The following CDK6 variants were observed in gnomAD, a reference collection of about 807,000 sequenced individuals.
The protein encoded by CDK6 is cyclin dependent kinase 6, also known as cyclin-dependent kinase 6.
Under a neutral mutation model 37.1 loss-of-function variants are expected in CDK6, and 6 were observed. That is an observed-to-expected ratio of 0.16 (90% CI 0.09 to 0.32). The LOEUF is 0.32. Among genes scored for constraint, CDK6 ranks in the 10% least tolerant of loss-of-function variants. The pLI is 1.00. For synonymous variants in CDK6, 160 were observed against 161.3 expected, an observed-to-expected ratio of 0.99 and a Z score of 0.06; for missense variants, 224 against 418.9, an observed-to-expected ratio of 0.53 and a Z score of 4.06.
chr7:92,627,369 T>C (rs1795951417), intron 5 of CDK6, among the ~76,000 whole-genome samples: 2 of 152,080 alleles, frequency 1.3e-5, no homozygotes, highest in Non-Finnish European at 2.9e-5. Context: ...TCCTAATTCC[T>C]AAGGTGATGG....
chr7:92,748,649 T>A (rs929382717), intron 3 of CDK6, among the ~76,000 whole-genome samples: 1 of 152,172 alleles, frequency 6.6e-6, no homozygotes, highest in Non-Finnish European at 1.5e-5. Flanking sequence ...AGTAACCAGG[T>A]GTCTTGTTGC....
intron 5 of CDK6, among the ~76,000 whole-genome samples, chr7:92,632,875 T>G (rs187304970): frequency 1.3e-4 from 19 of 150,244 alleles, no homozygotes; most frequent in South Asian, 8.5e-4. Context: ...TTACACAGCA[T>G]CACTTCCATT....
rs902929216 is a variant in CDK6 at position 92,833,718 on chromosome 7, G to T, written c.-367-28C>A. 4.6e-6 allele frequency: 2 copies of T among 433,284 alleles called. No individual in the cohort carries two copies. The highest frequency in any genetic ancestry group is 2.0e-5 in the African/African-American group (1 of 48,862). The allele number at this position is 433,284 out of a possible 1,614,324, so 26.8% of individuals were successfully genotyped here. A position where few individuals can be genotyped will look rare whatever the true frequency, so the allele number is the denominator to read the frequency against. On this transcript the variant is annotated intron_variant, in intron 1 of 7. Transcript: ENST00000424848. This position sits in a 1 kb window ranked among gnomAD's most constrained non-coding sequence, Gnocchi z 6.1. ...AAAGGAGGAGACGGGAGGATAAGAA[G>T]AAAGTGCAATCAGACAGCCCAGAAG... is the stretch of plus-strand genomic sequence containing the variant.
intron 4 of CDK6, among the ~76,000 whole-genome samples, chr7:92,709,696 T>C (rs1295818084): frequency 6.6e-6 from 1 of 152,224 alleles, no homozygotes; most frequent in Admixed American, 6.5e-5. Context: ...CACATCTTTT[T>C]AAAAGTTCTT....
At chr7:92,786,636 C>CATATAT (rs35129215) in intron 2 of CDK6, among the ~76,000 whole-genome samples, 17 of 140,060 alleles carry the variant, frequency 1.2e-4, no homozygotes, top group African/African-American at 1.8e-4. Flanking sequence ...TGTGTGTATA[C>CATATAT]ATATATATAT....
intron 2 of CDK6, among the ~76,000 whole-genome samples, chr7:92,775,757 T>G (rs1159434826): frequency 1.3e-5 from 2 of 152,106 alleles, no homozygotes; most frequent in Non-Finnish European, 2.9e-5. Flanking sequence ...GTAATATAAA[T>G]ACTAAGAAAA....
intron 4 of CDK6, among the ~76,000 whole-genome samples, chr7:92,673,488 A>T (rs1797134715): frequency 6.6e-6 from 1 of 152,242 alleles, no homozygotes; most frequent in Non-Finnish European, 1.5e-5. Flanking sequence ...CAAAACTGAC[A>T]ATACTGAAAC....
At chr7:92,739,136 C>T (rs1285048864) in intron 3 of CDK6, among the ~76,000 whole-genome samples, 1 of 152,156 alleles carries the variant, frequency 6.6e-6, no homozygotes, top group Non-Finnish European at 1.5e-5. Context: ...ATAATGGCTA[C>T]CAAAAACATT....
chr7:92,823,221 C>T (rs1337823543), intron 2 of CDK6, among the ~76,000 whole-genome samples: 1 of 151,484 alleles, frequency 6.6e-6, no homozygotes, highest in Admixed American at 6.6e-5. Context: ...TCATACAGCT[C>T]TCCTTGAAAT....
At chr7:92,772,638 C>T (rs1224274557) in intron 3 of CDK6, among the ~76,000 whole-genome samples, 1 of 152,082 alleles carries the variant, frequency 6.6e-6, no homozygotes, top group African/African-American at 2.4e-5. Flanking sequence ...TCAGCCACTG[C>T]CCCCTGTCTT....
chr7:92,801,653 C>T (rs1469887305), intron 2 of CDK6, among the ~76,000 whole-genome samples: 1 of 151,430 alleles, frequency 6.6e-6, no homozygotes, highest in African/African-American at 2.4e-5. Context: ...TTCTCTCTTT[C>T]TCTCTTTCTT....
At chr7:92,670,086 A>C (rs1797041238) in intron 5 of CDK6, among the ~76,000 whole-genome samples, 1 of 152,222 alleles carries the variant, frequency 6.6e-6, no homozygotes, top group African/African-American at 2.4e-5. Context: ...CAACACCAGA[A>C]TAGAACTTGC....
At chr7:92,720,258 T>C (rs1030838403) in intron 4 of CDK6, among the ~76,000 whole-genome samples, 1 of 152,220 alleles carries the variant, frequency 6.6e-6, no homozygotes, top group Non-Finnish European at 1.5e-5. Flanking sequence ...CTAAATACCC[T>C]TTGTAGAATC....
chr7:92,657,409 C>T (rs1013530115), intron 5 of CDK6, among the ~76,000 whole-genome samples: 2 of 152,184 alleles, frequency 1.3e-5, no homozygotes, highest in African/African-American at 4.8e-5. Context: ...TGACATGAAG[C>T]ACCTAAATTC....
At chr7:92,730,660 C>T (rs1395266318) in intron 3 of CDK6, among the ~76,000 whole-genome samples, 1 of 152,166 alleles carries the variant, frequency 6.6e-6, no homozygotes, top group East Asian at 1.9e-4. Flanking sequence ...TGGCTCGCCT[C>T]AGTTAACATA....
intron 2 of CDK6, among the ~76,000 whole-genome samples, chr7:92,830,494 G>A (rs1323530208): frequency 6.6e-6 from 1 of 152,178 alleles, no homozygotes; most frequent in Non-Finnish European, 1.5e-5. Context: ...GCTTAAGACT[G>A]TAAAACTAAT....
intron 2 of CDK6, among the ~76,000 whole-genome samples, chr7:92,778,987 G>A (rs1162880866): frequency 7.1e-6 from 1 of 141,660 alleles, no homozygotes; most frequent in Non-Finnish European, 1.5e-5. Context: ...AAATTCTGAC[G>A]GGGGCATAAC....
intron 2 of CDK6, among the ~76,000 whole-genome samples, chr7:92,775,950 T>G (rs987122582): frequency 6.6e-6 from 1 of 152,198 alleles, no homozygotes; most frequent in Non-Finnish European, 1.5e-5. Context: ...CTGGGATATA[T>G]GTGCAGAATG....
At chr7:92,642,849 T>G (rs1165144404) in intron 5 of CDK6, among the ~76,000 whole-genome samples, 3 of 151,938 alleles carry the variant, frequency 2.0e-5, no homozygotes, top group Non-Finnish European at 4.4e-5. Context: ...CGTTTGGCTA[T>G]GACTACGGAA....
Sources: allele counts gnomAD v4.1 joint callset (sites outside exome capture counted in the v4.1 genomes callset), GRCh38; gene constraint gnomAD v4.1.1; non-coding constraint Gnocchi (gnomAD v3.1); transcripts MANE v1.5; gene names NCBI Gene and HGNC (gene_info 2026-07-23, HGNC 2026-07-21).